Variants in POTEE observed in about 807,000 individuals in gnomAD.
The protein encoded by POTEE is POTE ankyrin domain family member E.
Under a neutral mutation model 74.2 loss-of-function variants are expected in POTEE, and 21 were observed. The observed-to-expected ratio is 0.28, with a 90% confidence interval of 0.20 to 0.41. The LOEUF is 0.41. Ranked by LOEUF, POTEE falls within the 10% of genes least tolerant of loss-of-function variation. POTEE has a pLI of 1.00. For synonymous variants in POTEE, 211 were observed against 432.8 expected (o/e 0.49, Z 6.36); for missense variants, 525 against 1,158.6 (o/e 0.45, Z 7.94).
chr2:131,215,612 C>T (rs1178946381), intron 2 of POTEE, among the ~76,000 whole-genome samples: 2 of 145,526 alleles, frequency 1.4e-5, no homozygotes, highest in Non-Finnish European at 3.0e-5. Flanking sequence ...GGATTTGTTC[C>T]GAGAGACCAC....
chr2:131,225,207 T>C (rs1367589676), intron 6 of POTEE, among the ~76,000 whole-genome samples: 1 of 152,082 alleles, frequency 6.6e-6, no homozygotes, highest in African/African-American at 2.4e-5. Context: ...CTGAATATTT[T>C]GATACAGTAA....
intron 9 of POTEE, among the ~76,000 whole-genome samples, chr2:131,231,918 TA>T (rs1700974283): frequency 6.6e-6 from 1 of 152,156 alleles, no homozygotes; most frequent in African/African-American, 2.4e-5. Context: ...AGTTAGGTTT[TA>T]TAAGTTGCAG....
At position 131,237,762 on chromosome 2, in the gene POTEE, G is replaced by T. The variant is rs1416425535; in HGVS notation, c.1198-432G>T. Among the ~76,000 whole-genome samples, 3 of 152,356 alleles carry T rather than the reference G, an allele frequency of 2.0e-5. No homozygotes were observed. In the East Asian group the frequency reaches 5.8e-4, roughly 29 times the overall value. ...AGAAAAGCACTTCAGTGCACTGTAG[G>T]GGCTCACTAGTTAGGGTTTCATGAG... On this transcript the variant is annotated intron_variant, in intron 10 of 17. Transcript: ENST00000683005.
chr2:131,224,460 G>GT (rs1700722055), intron 6 of POTEE, among the ~76,000 whole-genome samples: 1 of 145,674 alleles, frequency 6.9e-6, no homozygotes, highest in Admixed American at 6.9e-5. Context: ...CTAAAAAACA[G>GT]TAATAGATAC....
chr2:131,216,477 T>C (rs1384801103), intron 2 of POTEE, among the ~76,000 whole-genome samples: 6 of 151,966 alleles, frequency 3.9e-5, no homozygotes, highest in African/African-American at 7.2e-5. Context: ...ATTCAACATA[T>C]GCTGCTGGTA....
In POTEE at chr2:131,209,807, T is replaced by C. The variant is rs1269488675; in HGVS notation, c.-357T>C. Among the ~76,000 whole-genome samples the C allele has an allele frequency of 6.6e-6, 1 of 152,008 alleles. No individual in the cohort carries two copies. The highest frequency in any genetic ancestry group is 2.4e-5 in the African/African-American group (1 of 41,396). On this transcript the variant is annotated 5_prime_UTR_variant, in exon 1 of 18. An upstream start codon of the reference 5' UTR is lost. Coordinates refer to ENST00000683005, the MANE Select transcript of POTEE (RefSeq NM_001083538.3). ...TGCAGCTCGGCCAGAGTGGTAGAAA[T>C]GTCCTGGTGTAGGTGAGTTATCCGG...
chr2:131,254,767 A>G (rs1363092834), intron 16 of POTEE, among the ~76,000 whole-genome samples: 1 of 123,718 alleles, frequency 8.1e-6, no homozygotes, highest in African/African-American at 2.9e-5. Context: ...CATTTATAAA[A>G]TAAGATTATT....
rs1195261920 is a variant in POTEE, at chr2:131,216,551, CAT to C, written c.-188-1037_-188-1036del. Among the ~76,000 whole-genome samples the C allele has an allele frequency of 4.6e-5, 7 of 151,716 alleles. No individual in the cohort carries two copies. The South Asian group carries it at 6.2e-4, about 13-fold the overall frequency. On this transcript the variant is annotated intron_variant, in intron 2 of 17. Transcript: ENST00000683005. ...TCAAAGGTTAAATACAGAATTACCACATGACTCAGTAAATTCACTCCTATGTA... is the reference window on the plus strand; with the variant it reads ...TCAAAGGTTAAATACAGAATTACCACGACTCAGTAAATTCACTCCTATGTA...
At chr2:131,216,605 G>A (rs1700447119) in intron 2 of POTEE, among the ~76,000 whole-genome samples, 1 of 151,606 alleles carries the variant, frequency 6.6e-6, no homozygotes, top group Non-Finnish European at 1.5e-5. Context: ...TAAAACAAAT[G>A]CCTTACACAT....
At chr2:131,262,106 T>C (rs1370777157) in intron 17 of POTEE, among the ~76,000 whole-genome samples, 521 of 113,852 alleles carry the variant, frequency 4.6e-3, no homozygotes, top group African/African-American at 0.012. Context: ...TAAGAATTGA[T>C]GATCTTTCCA....
At chr2:131,221,878 C>G (rs1281306772) in intron 4 of POTEE, among the ~76,000 whole-genome samples, 1 of 152,216 alleles carries the variant, frequency 6.6e-6, no homozygotes, top group Non-Finnish European at 1.5e-5. Context: ...AACTCCCAAG[C>G]TGTGTTCATC....
intron 14 of POTEE, among the ~76,000 whole-genome samples, chr2:131,251,279 AAT>A (rs1701460850): frequency 3.0e-5 from 1 of 33,438 alleles, no homozygotes; most frequent in Admixed American, 5.9e-4. Context: ...AAAAAAAAAA[AAT>A]TTTAATAGAT....
chr2:131,211,058 C>T lies in POTEE; in HGVS notation c.-314C>T, dbSNP rs1290801441. Reference sequence around the variant, plus strand: ...TCTGGCTTTGCCGGTCTAGCTGCTCCAAGCCAGGCTGGAGGAGGAGGAGAA... The same window carrying T: ...TCTGGCTTTGCCGGTCTAGCTGCTCTAAGCCAGGCTGGAGGAGGAGGAGAA... On this transcript the variant is annotated 5_prime_UTR_variant, in exon 2 of 18. Transcript: ENST00000683005. Among the ~76,000 whole-genome samples the T allele has an allele frequency of 6.6e-6, 1 of 150,884 alleles. No individual in the cohort carries two copies. Among genetic ancestry groups the T allele is most frequent in the Non-Finnish European group, 1.5e-5 (1 of 68,032 alleles).
chr2:131,210,301 A>C, intron 1 of POTEE, among the ~76,000 whole-genome samples: 1 of 79,548 alleles, frequency 1.3e-5, no homozygotes. Context: ...TGTGGGCACT[A>C]TCGGGTGCTA....
At chr2:131,221,083 A>G (rs1700602512) in intron 4 of POTEE, among the ~76,000 whole-genome samples, 1 of 152,198 alleles carries the variant, frequency 6.6e-6, no homozygotes, top group Non-Finnish European at 1.5e-5. Flanking sequence ...AGCTTTTCAA[A>G]CAAACACTTT....
In POTEE at chr2:131,230,319, A is replaced by G. The variant is rs568687990; in HGVS notation, c.1056-517A>G. 2.0e-5 allele frequency among the ~76,000 whole-genome samples: 3 copies of G among 152,326 alleles called. No homozygotes were observed. The South Asian group carries it at 6.2e-4, about 32-fold the overall frequency. ...TTGTATATTAGAACCTATGAACAAA[A>G]TATGCATTGGGTTTTATTTGGGATT... On this transcript the variant is annotated intron_variant, in intron 8 of 17. Coordinates refer to ENST00000683005, the MANE Select transcript of POTEE (RefSeq NM_001083538.3).
intron 6 of POTEE, among the ~76,000 whole-genome samples, chr2:131,226,093 C>G (rs1700774893): frequency 6.6e-6 from 1 of 152,142 alleles, no homozygotes; most frequent in Non-Finnish European, 1.5e-5. Flanking sequence ...AAATTCTAAA[C>G]CACTTTTTGT....
chr2:131,221,205 CAGT>C (rs1359815622), intron 4 of POTEE, among the ~76,000 whole-genome samples: 1 of 151,916 alleles, frequency 6.6e-6, no homozygotes, highest in Non-Finnish European at 1.5e-5. Flanking sequence ...ATTAAAATAG[CAGT>C]GTATTTAGAA....
chr2:131,225,692 T>TTG (rs1700763748), intron 6 of POTEE, among the ~76,000 whole-genome samples: 1 of 148,722 alleles, frequency 6.7e-6, no homozygotes, highest in African/African-American at 2.5e-5. Flanking sequence ...CTCAGTTTTT[T>TTG]TTTTTTTTTT....
Sources: gnomAD v4.1 joint callset for allele counts (sites outside exome capture counted in the v4.1 genomes callset) on GRCh38, gnomAD v4.1.1 for gene constraint, MANE v1.5 for transcripts, NCBI Gene and HGNC (gene_info 2026-07-23, HGNC 2026-07-21) for gene names.